ARMC10: variants seen among roughly 807,000 people sequenced by gnomAD.
ARMC10 encodes the protein armadillo repeat containing 10, also known as armadillo repeat-containing protein 10.
A neutral mutation model predicts 30.2 loss-of-function variants in ARMC10; 23 were observed. The ratio of observed to expected loss-of-function variants is 0.76; its 90% CI spans 0.55 to 1.08. The LOEUF (loss-of-function observed/expected upper bound fraction) is 1.08. Among genes scored for constraint, ARMC10 ranks in the 50% least tolerant of loss-of-function variants. The pLI, the probability that ARMC10 is intolerant of heterozygous loss-of-function variation, is 0.00. For synonymous variants in ARMC10, 111 were observed against 164.4 expected, an observed-to-expected ratio of 0.68 and a Z score of 2.48; for missense variants, 303 against 413.7, an observed-to-expected ratio of 0.73 and a Z score of 2.32.
At chr7:103,091,316 G>A (rs1477934379) in intron 4 of ARMC10, among the ~76,000 whole-genome samples, 1 of 152,140 alleles carries the variant, frequency 6.6e-6, no homozygotes, top group Non-Finnish European at 1.5e-5. Flanking sequence ...CTGTGCGGCA[G>A]TGAGACCTTG....
chr7:103,091,488 T>TTA (rs71110812), intron 4 of ARMC10, among the ~76,000 whole-genome samples: 37 of 29,068 alleles, frequency 1.3e-3, no homozygotes, highest in African/African-American at 1.4e-3. Context: ...AAGGGGTGAA[T>TTA]TATATATATA....
intron 2 of ARMC10, among the ~76,000 whole-genome samples, chr7:103,078,748 C>T (rs1800119792): frequency 1.3e-5 from 2 of 150,588 alleles, no homozygotes; most frequent in Admixed American, 1.3e-4. Context: ...TTGTTTTAAA[C>T]TCACACCTCT....
At position 103,092,574 on chromosome 7, in the gene ARMC10, C is replaced by G. The variant is rs773832941; in HGVS notation, c.626C>G (p.Thr209Ser). Residue 209 changes from threonine (T) to serine (S), a missense_variant, in exon 5 of 7, where the codon ACC becomes AGC. Thr to Ser is a moderately conservative substitution (Grantham distance 58). This residue lies in a region of ARMC10 where 170 missense variants were observed against 207.2 expected (regional missense o/e 0.82). Transcript: ENST00000323716. ...ACATTGTTGACAAACATGACTGTTA[C>G]CAATGACCACCAGCACATGCTTCAC... ...GLTLLTNMTVTNDHQHMLHSY... is the reference protein window; with the variant it reads ...GLTLLTNMTVSNDHQHMLHSY... The G allele has an allele frequency of 1.2e-6, 2 of 1,609,900 alleles. No individual in the cohort carries two copies. Among genetic ancestry groups the G allele is most frequent in the Non-Finnish European group, 8.5e-7 (1 of 1,176,732 alleles).
Position 103,083,836 on chromosome 7 carries a change from T to A in ARMC10, c.393+6T>A, listed in dbSNP as rs1355546115. The A allele has an allele frequency of 9.9e-6, 16 of 1,612,892 alleles. No individual in the cohort carries two copies. Among genetic ancestry groups the A allele is most frequent in the Non-Finnish European group, 1.2e-5 (14 of 1,179,540 alleles). On this transcript the variant is annotated splice_donor_region_variant and intron_variant, in intron 3 of 6. Coordinates refer to ENST00000323716, the MANE Select transcript of ARMC10 (RefSeq NM_031905.5). ...CAGCCTTTTCAGTTAACCAAGTAAG[T>A]ACCTCAACTCAGCAAGCAAGCTCTT...
chr7:103,084,063 G>GT, intron 3 of ARMC10: 1 of 1,478,752 alleles, frequency 6.8e-7, no homozygotes, highest in Non-Finnish European at 9.0e-7. Flanking sequence ...CATCACATTC[G>GT]TAAGTATATC....
At chr7:103,076,382 C>G (rs1799822655) in intron 2 of ARMC10, among the ~76,000 whole-genome samples, 1 of 152,150 alleles carries the variant, frequency 6.6e-6, no homozygotes, top group South Asian at 2.1e-4. Context: ...TGATGTGGAA[C>G]CAGGTGCCCA....
At chr7:103,076,285 T>G (rs763001805) in intron 2 of ARMC10, among the ~76,000 whole-genome samples, 2 of 152,240 alleles carry the variant, frequency 1.3e-5, no homozygotes, top group Non-Finnish European at 2.9e-5. Flanking sequence ...TACCATTTGC[T>G]ACATGTAGTT....
intron 4 of ARMC10, among the ~76,000 whole-genome samples, chr7:103,087,151 C>T (rs888623583): frequency 1.3e-5 from 2 of 152,186 alleles, no homozygotes; most frequent in Non-Finnish European, 2.9e-5. Context: ...TCCGATGCTA[C>T]ATATTCATAA....
intron 2 of ARMC10, among the ~76,000 whole-genome samples, chr7:103,082,757 C>T (rs1393327382): frequency 2.0e-5 from 3 of 152,038 alleles, no homozygotes; most frequent in Non-Finnish European, 4.4e-5. Context: ...TATAAAATGG[C>T]TTCTGTTCTT....
chr7:103,084,246 A>G (rs1424537342), intron 3 of ARMC10, among the ~76,000 whole-genome samples: 1 of 152,236 alleles, frequency 6.6e-6, no homozygotes, highest in East Asian at 1.9e-4. Context: ...ACCACTAATC[A>G]ATGTAAATGG....
intron 6 of ARMC10, 63 bp from the exon 7 acceptor site, chr7:103,098,234 AAT>A: frequency 8.2e-7 from 1 of 1,218,140 alleles, no homozygotes; most frequent in Non-Finnish European, 1.1e-6. Flanking sequence ...AAAATGTTAA[AAT>A]ATACATGAAA....
chr7:103,076,948 C>T (rs73410139), intron 2 of ARMC10, among the ~76,000 whole-genome samples: 1,601 of 152,042 alleles, frequency 0.011, 27 homozygotes, highest in African/African-American at 0.036. Context: ...GGTGCAGTGG[C>T]GCAATCACAG....
At chr7:103,083,118 T>G in intron 2 of ARMC10, 1 of 456,724 alleles carries the variant, frequency 2.2e-6, no homozygotes, top group Non-Finnish European at 4.4e-6. Context: ...AAGCAAAATG[T>G]TATCAGCATT....
At chr7:103,084,663 G>C (rs1800673589) in intron 3 of ARMC10, among the ~76,000 whole-genome samples, 1 of 152,218 alleles carries the variant, frequency 6.6e-6, no homozygotes, top group Non-Finnish European at 1.5e-5. Flanking sequence ...CAAGGTTGCA[G>C]AGTTCCCAGA....
chr7:103,075,770 C>T lies in ARMC10; in HGVS notation c.140-7C>T, dbSNP rs190767617. On this transcript the variant is annotated splice_region_variant and splice_polypyrimidine_tract_variant and intron_variant, in intron 1 of 6. Transcript: ENST00000323716. ...GCCCAGAGCCATAGGTCAATCTCTGCTTGCAGGTGCCCTGGAAGAAGGGAC... is the reference window on the plus strand; with the variant it reads ...GCCCAGAGCCATAGGTCAATCTCTGTTTGCAGGTGCCCTGGAAGAAGGGAC... The T allele has an allele frequency of 1.4e-5, 23 of 1,601,284 alleles. No homozygotes were observed. In the Admixed American group the frequency reaches 1.5e-4, roughly 11 times the overall value.
At chr7:103,075,912 T>A in intron 2 of ARMC10, 31 bp downstream of exon 2, 2 of 1,476,994 alleles carry the variant, frequency 1.4e-6, no homozygotes, top group Non-Finnish European at 1.8e-6. Context: ...AACAGTTGTC[T>A]GCGCGAGACA....
At chr7:103,088,340 G>A (rs1337235650) in intron 4 of ARMC10, among the ~76,000 whole-genome samples, 1 of 152,058 alleles carries the variant, frequency 6.6e-6, no homozygotes, top group South Asian at 2.1e-4. Flanking sequence ...AATTGAGAAC[G>A]CTTATTTTGA....
chr7:103,085,414 T>A (rs896465971), intron 3 of ARMC10, among the ~76,000 whole-genome samples: 1 of 152,228 alleles, frequency 6.6e-6, no homozygotes, highest in East Asian at 1.9e-4. Context: ...TGGCAGTCTT[T>A]TTCTTTTTTC....
At chr7:103,086,411 TTA>T (rs1288204986) in intron 3 of ARMC10, among the ~76,000 whole-genome samples, 3 of 152,250 alleles carry the variant, frequency 2.0e-5, no homozygotes, top group South Asian at 2.1e-4. Flanking sequence ...GTTTAAATAA[TTA>T]TATATCTTAA....
Sources: allele counts gnomAD v4.1 joint callset (sites outside exome capture counted in the v4.1 genomes callset), GRCh38; gene constraint gnomAD v4.1.1; regional missense constraint gnomAD v4.1.1; transcripts MANE v1.5; gene names NCBI Gene and HGNC (gene_info 2026-07-23, HGNC 2026-07-21).